The following VWDE variants were observed in gnomAD, a reference collection of about 807,000 sequenced individuals.
VWDE encodes the protein von Willebrand factor D and EGF domains.
Under a neutral mutation model 178.4 loss-of-function variants are expected in VWDE, and 207 were observed. The ratio of observed to expected loss-of-function variants is 1.16; its 90% confidence interval spans 1.04 to 1.30. VWDE has a LOEUF of 1.30. Among genes scored for constraint, VWDE ranks in the 50% most tolerant of loss-of-function variants. VWDE has a pLI of 0.00. For synonymous variants in VWDE, 738 were observed against 651.4 expected (o/e 1.13, Z -2.02); for missense variants, 2,287 against 1,901.3 (o/e 1.20, Z -3.77).
At chr7:12,368,505 T>C (rs1203981814) in intron 12 of VWDE, among the ~76,000 whole-genome samples, 1 of 152,086 alleles carries the variant, frequency 6.6e-6, no homozygotes, top group African/African-American at 2.4e-5. Flanking sequence ...GAAGCAGGCC[T>C]GGCTCCTTTG....
At chr7:12,400,996 T>C (rs1784868658) in intron 1 of VWDE, among the ~76,000 whole-genome samples, 1 of 152,154 alleles carries the variant, frequency 6.6e-6, no homozygotes, top group Non-Finnish European at 1.5e-5. Flanking sequence ...GAAAGCATTT[T>C]TAAAAATCCA....
At chr7:12,361,636 A>G in intron 13 of VWDE, 115 bp from the exon 14 acceptor site, 1 of 959,554 alleles carries the variant, frequency 1.0e-6, no homozygotes, top group Non-Finnish European at 1.4e-6. Context: ...ATAATGTAAT[A>G]TATAACAGGG....
rs544959532 is a variant in VWDE at position 12,339,476 on chromosome 7, C to T, written c.4366+846G>A. Among the ~76,000 whole-genome samples, 7 of 152,182 alleles carry T rather than the reference C, an allele frequency of 4.6e-5. No individual in the cohort carries two copies. The South Asian group carries it at 1.5e-3, about 32-fold the overall frequency. ...CTCAAACTGCTTCTTCAAAGGAATACGAATTACAGGAACTCATTCGCTATG... is the reference window on the plus strand; with the variant it reads ...CTCAAACTGCTTCTTCAAAGGAATATGAATTACAGGAACTCATTCGCTATG... On this transcript the variant is annotated intron_variant, in intron 24 of 28. Coordinates refer to ENST00000275358, the MANE Select transcript of VWDE (RefSeq NM_001135924.3).
chr7:12,339,055 T>C (rs913548033), intron 24 of VWDE, among the ~76,000 whole-genome samples: 8 of 152,102 alleles, frequency 5.3e-5, no homozygotes, highest in Non-Finnish European at 1.5e-5. Flanking sequence ...TAGATCATAC[T>C]TGAAAGCCAG....
At chr7:12,357,118 C>T in intron 17 of VWDE, 147 bp downstream of exon 17, 1 of 1,049,020 alleles carries the variant, frequency 9.5e-7, no homozygotes, top group Non-Finnish European at 1.3e-6. Flanking sequence ...AAAGAATAGT[C>T]AAAGTTTCGG....
chr7:12,377,283 C>A (rs1783581735), intron 7 of VWDE, among the ~76,000 whole-genome samples: 1 of 152,082 alleles, frequency 6.6e-6, no homozygotes. Context: ...AATTTTAAGA[C>A]ACAAGATCCC....
intron 24 of VWDE, among the ~76,000 whole-genome samples, chr7:12,339,987 C>G (rs1220872849): frequency 6.6e-6 from 1 of 152,076 alleles, no homozygotes; most frequent in East Asian, 1.9e-4. Flanking sequence ...ATAAATCAAA[C>G]ATTTTTGCTG....
At chr7:12,379,685 G>T (rs1462676400) in intron 5 of VWDE, 119 bp from the exon 6 acceptor site, 2 of 594,766 alleles carry the variant, frequency 3.4e-6, no homozygotes, top group Non-Finnish European at 5.3e-6. Context: ...GATAATAAAA[G>T]AATTAAATAA....
At chr7:12,389,491 G>T in intron 2 of VWDE, 133 bp from the exon 3 acceptor site, 1 of 634,816 alleles carries the variant, frequency 1.6e-6, no homozygotes, top group Non-Finnish European at 2.7e-6. Flanking sequence ...GCTTGTACCT[G>T]TTCTATACAA....
At position 12,344,270 on chromosome 7, in the gene VWDE, T is replaced by C; in HGVS notation, c.4003A>G (p.Lys1335Glu). The C allele has an allele frequency of 6.4e-7, 1 of 1,551,208 alleles. No individual in the cohort carries two copies. Among genetic ancestry groups the C allele is most frequent in the Non-Finnish European group, 8.7e-7 (1 of 1,146,626 alleles). ...CQTALCDPDCKNHGKCIKPNI... is the reference protein window; with the variant it reads ...CQTALCDPDCENHGKCIKPNI... ...GGCTTAATACATTTTCCATGGTTTT[T>C]GCAATCAGGGTCACAAAGAGCTGTA... Residue 1335 changes from lysine (K) to glutamate (E), a missense_variant, in exon 21 of 29, where the codon AAA (lysine) becomes GAA (glutamate). By Grantham distance (56) the Lys-to-Glu change is moderately conservative (BLOSUM62 1). Transcript: ENST00000275358.
chr7:12,394,087 G>A (rs891882864), intron 1 of VWDE, among the ~76,000 whole-genome samples: 1 of 152,128 alleles, frequency 6.6e-6, no homozygotes, highest in Non-Finnish European at 1.5e-5. Context: ...GAGTTAGGAT[G>A]TCAAGTCACA....
Position 12,375,005 on chromosome 7 carries a change from T to G in VWDE, c.1242+5A>C. Reference sequence around the variant, plus strand: ...CTTGCAGTATTAGTGTTGTAATTTGTCAACCTGGATGCTGTCTGGAATGTA... The same window carrying G: ...CTTGCAGTATTAGTGTTGTAATTTGGCAACCTGGATGCTGTCTGGAATGTA... On this transcript the variant is annotated splice_donor_5th_base_variant and intron_variant, in intron 8 of 28. Transcript: ENST00000275358. 1 of 1,550,256 alleles carries G rather than the reference T, an allele frequency of 6.5e-7. No homozygotes were observed. The highest frequency in any genetic ancestry group is 8.7e-7 in the Non-Finnish European group (1 of 1,145,876).
In VWDE at chr7:12,370,407, C is replaced by CG. The variant is rs1562495231; in HGVS notation, c.1898dup (p.Ser634ValfsTer40). The CG allele has an allele frequency of 1.3e-6, 2 of 1,548,122 alleles. No homozygotes were observed. Among genetic ancestry groups the CG allele is most frequent in the South Asian group, 2.4e-5 (2 of 84,058 alleles). On this transcript the variant is annotated frameshift_variant, in exon 12 of 29. Coordinates refer to ENST00000275358, the MANE Select transcript of VWDE (RefSeq NM_001135924.3). LOFTEE classifies it high-confidence loss of function. ...AAACACTGTCCAGATCTTCGGAAGA[C>CG]GGATACGCTGCAGTGTCCAATGAAC...
At chr7:12,399,424 A>G (rs1355569192) in intron 1 of VWDE, among the ~76,000 whole-genome samples, 1 of 152,190 alleles carries the variant, frequency 6.6e-6, no homozygotes, top group South Asian at 2.1e-4. Context: ...GCACTGAAAT[A>G]TGTGAAGCAA....
At position 12,352,446 on chromosome 7, in the gene VWDE, A is replaced by G. The variant is rs150184576; in HGVS notation, c.3746-733T>C. Among the ~76,000 whole-genome samples, 19 of 152,302 alleles carry G rather than the reference A, an allele frequency of 1.2e-4. No homozygotes were observed. In the South Asian group the frequency reaches 1.4e-3, roughly 12 times the overall value. Reference sequence around the variant, plus strand: ...TTGTATTAATAAGCCCCTTCCTACAATACACAAATGACTCTGACAATGTTA... The same window carrying G: ...TTGTATTAATAAGCCCCTTCCTACAGTACACAAATGACTCTGACAATGTTA... On this transcript the variant is annotated intron_variant, in intron 18 of 28. Transcript: ENST00000275358.
In VWDE at chr7:12,377,802, G is replaced by A. The variant is rs748729012; in HGVS notation, c.998C>T (p.Ser333Leu). The A allele has an allele frequency of 4.0e-6, 6 of 1,510,160 alleles. No individual in the cohort carries two copies. The highest frequency in any genetic ancestry group is 1.7e-4 in the Middle Eastern group (1 of 5,812). The allele number at this position is 1,510,160 out of a possible 1,614,324, so 93.5% of individuals were successfully genotyped here. A position where few individuals can be genotyped will look rare whatever the true frequency, so the allele number is the denominator to read the frequency against. ...TTGACCAATAGTTTTCAGTTTTAAT[G>A]AGATTTTGCATTCTTGATCAAGCTC... ...FSELDQECKI[S>L]LKLKTIGQGR... The change falls in exon 7 of 29, where the codon TCA becomes TTA. Residue 333 changes from serine (S) to leucine (L), a missense_variant. By Grantham distance (145) the Ser-to-Leu change is moderately radical. Coordinates refer to ENST00000275358, the MANE Select transcript of VWDE (RefSeq NM_001135924.3).
At chr7:12,341,226 G>T (rs1374437759) in intron 23 of VWDE, among the ~76,000 whole-genome samples, 1 of 152,128 alleles carries the variant, frequency 6.6e-6, no homozygotes, top group African/African-American at 2.4e-5. Context: ...TTTGCATCAT[G>T]CTTCACAAAT....
At chr7:12,353,105 T>C (rs1583292764) in intron 18 of VWDE, among the ~76,000 whole-genome samples, 2 of 152,228 alleles carry the variant, frequency 1.3e-5, no homozygotes. Context: ...TTAGTCAGCT[T>C]GAGCTGCCAT....
chr7:12,360,049 C>T (rs1247748405), intron 15 of VWDE, among the ~76,000 whole-genome samples: 2 of 151,840 alleles, frequency 1.3e-5, no homozygotes, highest in Non-Finnish European at 2.9e-5. Flanking sequence ...TTTTTTTCCT[C>T]CACAATTTAT....
Sources: gnomAD v4.1 joint callset for allele counts (sites outside exome capture counted in the v4.1 genomes callset) on GRCh38, gnomAD v4.1.1 for gene constraint, MANE v1.5 for transcripts, NCBI Gene and HGNC (gene_info 2026-07-23, HGNC 2026-07-21) for gene names.